The following CC2D2B variants were observed in gnomAD, a reference collection of about 807,000 sequenced individuals.
CC2D2B encodes the protein coiled-coil and C2 domain containing 2B.
CC2D2B carries 128 observed loss-of-function variants against 161.2 expected under a neutral mutation model. The ratio of observed to expected loss-of-function variants is 0.79; its 90% CI spans 0.69 to 0.92. CC2D2B has a LOEUF of 0.92. Ranked by LOEUF, CC2D2B falls within the 40% of genes least tolerant of loss-of-function variation. CC2D2B has a pLI of 0.00. For synonymous variants in CC2D2B, 391 were observed against 449.8 expected, an observed-to-expected ratio of 0.87 and a Z score of 1.65; for missense variants, 1,173 against 1,375.1, an observed-to-expected ratio of 0.85 and a Z score of 2.32.
At chr10:96,013,487 A>C (rs1042208657) in intron 28 of CC2D2B, among the ~76,000 whole-genome samples, 1 of 91,432 alleles carries the variant, frequency 1.1e-5, no homozygotes, top group South Asian at 3.1e-4. Flanking sequence ...AAATTTTAGT[A>C]ATAAATTAAA....
chr10:95,938,137 AG>A lies in CC2D2B; in HGVS notation c.484del (p.Glu162AsnfsTer3), dbSNP rs2075892084. 6.4e-7 allele frequency: 1 copy of A among 1,550,604 alleles called. No individual in the cohort carries two copies. Among genetic ancestry groups the A allele is most frequent in the African/African-American group, 1.4e-5 (1 of 73,150 alleles). Reference sequence around the variant, plus strand: ...AAGCTGCTGACTATGAAGATGATCAAGAACAAATAAAAAAACAGAAGGCAAA... The same window carrying A: ...AAGCTGCTGACTATGAAGATGATCAAAACAAATAAAAAAACAGAAGGCAAA... ...VKAADYEDDQ[E>X]QIKKQKANIF... On this transcript the variant is annotated frameshift_variant, in exon 7 of 35. Coordinates refer to ENST00000646931, the MANE Select transcript of CC2D2B (RefSeq NM_001349008.3). LOFTEE classifies it high-confidence loss of function.
In CC2D2B at chr10:95,938,066, GAAGA is replaced by G. The variant is rs2075890212; in HGVS notation, c.413_416del (p.Glu138GlyfsTer3). 2.6e-6 allele frequency: 4 copies of G among 1,550,614 alleles called. No individual in the cohort carries two copies. The East Asian group carries it at 9.8e-5, about 38-fold the overall frequency. ...ACAAAATGTTGCTGAGAGTGAAGAG[GAAGA>G]GTTTATGAAAGAATTCATTTTGACA... On this transcript the variant is annotated frameshift_variant, in exon 7 of 35. Coordinates refer to ENST00000646931, the MANE Select transcript of CC2D2B (RefSeq NM_001349008.3). LOFTEE classifies it high-confidence loss of function.
chr10:95,954,374 C>T (rs903699681), intron 10 of CC2D2B, among the ~76,000 whole-genome samples: 2 of 152,016 alleles, frequency 1.3e-5, no homozygotes, highest in African/African-American at 2.4e-5. Context: ...CATTTATTTC[C>T]CTATTGATTT....
chr10:95,982,459 A>G (rs1287140663), intron 18 of CC2D2B, among the ~76,000 whole-genome samples: 1 of 152,186 alleles, frequency 6.6e-6, no homozygotes, highest in Non-Finnish European at 1.5e-5. Flanking sequence ...ATTTATAAAC[A>G]CACTCCTTCT....
intron 6 of CC2D2B, among the ~76,000 whole-genome samples, chr10:95,929,044 C>T (rs1010212040): frequency 1.3e-5 from 2 of 152,178 alleles, no homozygotes; most frequent in Admixed American, 6.5e-5. Flanking sequence ...TATTTCTCCC[C>T]ATCCTCTCCA....
chr10:96,005,562 C>CT lies in CC2D2B; in HGVS notation c.2946+1314_2946+1315insT, dbSNP rs2078709136. Among the ~76,000 whole-genome samples, 7 of 152,202 alleles carry CT rather than the reference C, an allele frequency of 4.6e-5. No homozygotes were observed. The South Asian group carries it at 1.5e-3, about 32-fold the overall frequency. On this transcript the variant is annotated intron_variant, in intron 25 of 34. Coordinates refer to ENST00000646931, the MANE Select transcript of CC2D2B (RefSeq NM_001349008.3). Reference sequence around the variant, plus strand: ...AACATTATTTTGTCTAGAAATGTTTCATTTTTCCTCTTTTTTTCTCTGTGC... The same window carrying CT: ...AACATTATTTTGTCTAGAAATGTTTCTATTTTTCCTCTTTTTTTCTCTGTGC...
At chr10:95,980,523 A>G (rs1206526149) in intron 17 of CC2D2B, among the ~76,000 whole-genome samples, 1 of 152,182 alleles carries the variant, frequency 6.6e-6, no homozygotes, top group Non-Finnish European at 1.5e-5. Context: ...GATCTGGGCT[A>G]AGACTGTTTC....
rs765681335 is a variant in CC2D2B, at chr10:95,996,142, G to T, written c.2740-1G>T. 2 of 1,401,096 alleles carry T rather than the reference G, an allele frequency of 1.4e-6. No homozygotes were observed. The highest frequency in any genetic ancestry group is 1.9e-6 in the Non-Finnish European group (2 of 1,039,064). 86.8% of individuals were successfully genotyped at this position (1,401,096 alleles called of 1,614,324 possible). On this transcript the variant is annotated splice_acceptor_variant, in intron 23 of 34. Coordinates refer to ENST00000646931, the MANE Select transcript of CC2D2B (RefSeq NM_001349008.3). LOFTEE classifies it high-confidence loss of function. Reference sequence around the variant, plus strand: ...TAGTCAATGTTTATTATGTGTTTCAGGATACTGTACATCCATTCGTGGAAG... The same window carrying T: ...TAGTCAATGTTTATTATGTGTTTCATGATACTGTACATCCATTCGTGGAAG...
chr10:96,025,186 AAAAAAAATATAT>A (rs2079686768), intron 33 of CC2D2B, among the ~76,000 whole-genome samples: 1 of 41,376 alleles, frequency 2.4e-5, no homozygotes, highest in African/African-American at 8.9e-5. Flanking sequence ...TATATATATA[AAAAAAAATATAT>A]ATATATATAT....
rs961231502 is a variant in CC2D2B at position 96,033,260 on chromosome 10, G to T, written c.*1252G>T. On this transcript the variant is annotated 3_prime_UTR_variant, in exon 35 of 35. Coordinates refer to ENST00000646931, the MANE Select transcript of CC2D2B (RefSeq NM_001349008.3). ...GTTTCCTAAATGTGCATGGGCTGGT[G>T]CCAGAAAAGGCCTCACTTATTTGTG... Among the ~76,000 whole-genome samples, 1 of 152,166 alleles carries T rather than the reference G, an allele frequency of 6.6e-6. No homozygotes were observed. The highest frequency in any genetic ancestry group is 1.5e-5 in the Non-Finnish European group (1 of 68,024).
In CC2D2B at chr10:95,924,833, C is replaced by T. The variant is rs1249092515; in HGVS notation, c.229C>T (p.Gln77Ter). The change falls in exon 5 of 35, where the codon CAA (glutamine) becomes TAA (stop). Residue 77 changes from glutamine to a stop codon, truncating the protein, a stop_gained. Transcript: ENST00000646931. LOFTEE classifies it high-confidence loss of function. ...GCAGCTCATTGATAGCGAAATACAT[C>T]AAAGGTCCAAGGTGAATAACTTTTC... ...TEQLIDSEIH[Q>*]RSKLSPQTEV... 1.9e-6 allele frequency: 3 copies of T among 1,544,204 alleles called. No individual in the cohort carries two copies. The African/African-American group carries it at 4.1e-5, about 21-fold the overall frequency.
Position 95,927,133 on chromosome 10 carries a change from G to C in CC2D2B, c.241-104G>C. 6.5e-6 allele frequency: 4 copies of C among 617,430 alleles called. No individual in the cohort carries two copies. In the South Asian group the frequency reaches 9.7e-5, roughly 15 times the overall value. 38.2% of individuals were successfully genotyped at this position (617,430 alleles called of 1,614,324 possible). A position where few individuals can be genotyped will look rare whatever the true frequency, so the allele number is the denominator to read the frequency against. On this transcript the variant is annotated intron_variant, in intron 5 of 34. Transcript: ENST00000646931. The stretch of plus-strand genomic sequence containing the variant: ...TTGTTTGCCTTGGTGCTCCCTGTTT[G>C]CTAGAGAGATAACAATTATGTTTAC...
At position 95,966,253 on chromosome 10, in the gene CC2D2B, C is replaced by T. The variant is rs1009891174; in HGVS notation, c.1417C>T (p.Pro473Ser). ...IERIKPITLR[P>S]QLSFTAELTS... ...AAGAATAAAGCCAATTACCTTGAGG[C>T]CACAACTTTCTTTCACTGCAGAATT... Residue 473 changes from proline to serine, a missense_variant, in exon 14 of 35, where the codon CCA (proline) becomes TCA (serine). Physicochemically the swap from Pro to Ser is moderately conservative, Grantham distance 74. Around this residue, in one of 3 missense-constraint regions of CC2D2B, gnomAD observed 277 missense variants for 420.6 expected, o/e 0.66. Coordinates refer to ENST00000646931, the MANE Select transcript of CC2D2B (RefSeq NM_001349008.3). 8.2e-7 allele frequency: 1 copy of T among 1,226,836 alleles called. No individual in the cohort carries two copies. The highest frequency in any genetic ancestry group is 3.2e-5 in the East Asian group (1 of 31,546). The allele number at this position is 1,226,836 out of a possible 1,614,324, so 76.0% of individuals were successfully genotyped here.
chr10:95,911,326 G>GA lies in CC2D2B; in HGVS notation c.9dup (p.Ser4IlefsTer8), dbSNP rs1284488262. 8 of 242,736 alleles carry GA rather than the reference G, an allele frequency of 3.3e-5. No individual in the cohort carries two copies. The highest frequency in any genetic ancestry group is 1.6e-4 in the African/African-American group (7 of 45,136). 15.0% of individuals were successfully genotyped at this position (242,736 alleles called of 1,614,324 possible). A position where few individuals can be genotyped will look rare whatever the true frequency, so the allele number is the denominator to read the frequency against. ...AAAGTTGAAATAAAAGGACCATCAT[G>GA]AAAAAATCTCAAAGAGAAGATATTT... On this transcript the variant is annotated frameshift_variant, in exon 2 of 35. Transcript: ENST00000646931. LOFTEE classifies it high-confidence loss of function.
At chr10:95,960,037 G>C (rs113667292) in intron 11 of CC2D2B, among the ~76,000 whole-genome samples, 18 of 152,218 alleles carry the variant, frequency 1.2e-4, no homozygotes, top group African/African-American at 4.1e-4. Flanking sequence ...ATTGCTTTCA[G>C]TTTAGAGGTA....
At position 95,996,143 on chromosome 10, in the gene CC2D2B, G is replaced by T; in HGVS notation, c.2740G>T (p.Asp914Tyr). 7.1e-7 allele frequency: 1 copy of T among 1,405,542 alleles called. No homozygotes were observed. The allele number at this position is 1,405,542 out of a possible 1,614,324, so 87.1% of individuals were successfully genotyped here. A position where few individuals can be genotyped will look rare whatever the true frequency, so the allele number is the denominator to read the frequency against. Residue 914 changes from aspartate to tyrosine, a missense_variant and splice_region_variant, in exon 24 of 35, where the codon GAT becomes TAT. Asp to Tyr is a radical substitution (Grantham distance 160). Around this residue, in one of 3 missense-constraint regions of CC2D2B, gnomAD observed 598 missense variants for 693.2 expected, o/e 0.86. Coordinates refer to ENST00000646931, the MANE Select transcript of CC2D2B (RefSeq NM_001349008.3). ...AGTCAATGTTTATTATGTGTTTCAGGATACTGTACATCCATTCGTGGAAGT... is the reference window on the plus strand; with the variant it reads ...AGTCAATGTTTATTATGTGTTTCAGTATACTGTACATCCATTCGTGGAAGT... ...SVASDETLHE[D>Y]TVHPFVEVSF...
chr10:95,940,052 G>A, intron 9 of CC2D2B, among the ~76,000 whole-genome samples: 1 of 152,114 alleles, frequency 6.6e-6, no homozygotes, highest in East Asian at 1.9e-4. Context: ...CTTCTGGGGA[G>A]GCCTCAAGAA....
chr10:96,015,385 C>A (rs2079152862), intron 29 of CC2D2B, among the ~76,000 whole-genome samples: 2 of 151,802 alleles, frequency 1.3e-5, no homozygotes, highest in South Asian at 4.2e-4. Flanking sequence ...CCATACACCT[C>A]ATTTAAATGG....
At position 96,032,885 on chromosome 10, in the gene CC2D2B, G is replaced by T. The variant is rs1348731114; in HGVS notation, c.*877G>T. On this transcript the variant is annotated 3_prime_UTR_variant, in exon 35 of 35. Transcript: ENST00000646931. ...CCCAACTCTGCCTCTGGCACTTTTT[G>T]CTGCTTTTCTTTCTTAGTAGTGGCT... 1 of 423,842 alleles carries T rather than the reference G, an allele frequency of 2.4e-6. No individual in the cohort carries two copies. The highest frequency in any genetic ancestry group is 2.1e-5 in the African/African-American group (1 of 48,022). 26.3% of individuals were successfully genotyped at this position (423,842 alleles called of 1,614,324 possible). A position where few individuals can be genotyped will look rare whatever the true frequency, so the allele number is the denominator to read the frequency against.
Sources: allele counts gnomAD v4.1 joint callset (sites outside exome capture counted in the v4.1 genomes callset), GRCh38; gene constraint gnomAD v4.1.1; regional missense constraint gnomAD v4.1.1; transcripts MANE v1.5; gene names NCBI Gene and HGNC (gene_info 2026-07-23, HGNC 2026-07-21).